MED15: variants seen among roughly 807,000 people sequenced by gnomAD.
The protein encoded by MED15 is mediator of RNA polymerase II transcription subunit 15.
In MED15, 41 loss-of-function variants were observed where a neutral mutation model predicts 118.7. The ratio of observed to expected loss-of-function variants is 0.35; its 90% CI spans 0.27 to 0.45. The LOEUF (loss-of-function observed/expected upper bound fraction) is 0.45. MED15 is among the 20% of genes least tolerant of loss of function. MED15 has a pLI of 1.00. For missense variants in MED15, 740 were observed against 1,025.5 expected, an observed-to-expected ratio of 0.72 and a Z score of 3.80; for synonymous variants, 436 against 413.9, an observed-to-expected ratio of 1.05 and a Z score of -0.65.
chr22:20,557,710 T>C (rs2146544740), intron 5 of MED15, among the ~76,000 whole-genome samples: 1 of 152,332 alleles, frequency 6.6e-6, no homozygotes, highest in South Asian at 2.1e-4. Context: ...AGTTCAGTGG[T>C]GAAGCTTGAT....
intron 1 of MED15, among the ~76,000 whole-genome samples, chr22:20,512,212 C>G (rs926688698): frequency 6.6e-6 from 1 of 152,004 alleles, no homozygotes; most frequent in African/African-American, 2.4e-5. Flanking sequence ...TGGTCTTGAA[C>G]TCCTGGGTTC....
At chr22:20,555,600 T>C (rs1320092233) in intron 5 of MED15, among the ~76,000 whole-genome samples, 2 of 152,242 alleles carry the variant, frequency 1.3e-5, no homozygotes, top group African/African-American at 2.4e-5. Context: ...CTGGCTTCCT[T>C]TCTGTGAAGG....
chr22:20,554,697 C>T (rs1364342028), intron 4 of MED15: 2 of 423,764 alleles, frequency 4.7e-6, no homozygotes, highest in Non-Finnish European at 8.4e-6. Context: ...TGTCCCTTAA[C>T]ATTAGGACTC....
chr22:20,526,158 G>A (rs2146393578), intron 1 of MED15, among the ~76,000 whole-genome samples: 1 of 152,106 alleles, frequency 6.6e-6, no homozygotes, highest in South Asian at 2.1e-4. Context: ...GAATTCCTGG[G>A]CTCAAGCATG....
At chr22:20,556,707 A>G (rs2056024027) in intron 5 of MED15, among the ~76,000 whole-genome samples, 1 of 152,180 alleles carries the variant, frequency 6.6e-6, no homozygotes, top group Admixed American at 6.5e-5. Context: ...CACAATTGGC[A>G]TGCGGAGCCG....
chr22:20,583,230 A>G lies in MED15; in HGVS notation c.1655A>G (p.Lys552Arg). The change falls in exon 12 of 18, where the codon AAG becomes AGG. Residue 552 changes from lysine to arginine, a missense_variant. Lys to Arg is a conservative substitution (Grantham distance 26, BLOSUM62 2). Around this residue, in one of 7 missense-constraint regions of MED15, gnomAD observed 384 missense variants for 506.3 expected, o/e 0.76. Coordinates refer to ENST00000263205, the MANE Select transcript of MED15 (RefSeq NM_001003891.3). ...GAGCCCCTGCGCCGCATGATCAACAAGATCGACAAGAACGAAGGTAGGCTG... is the reference window on the plus strand; with the variant it reads ...GAGCCCCTGCGCCGCATGATCAACAGGATCGACAAGAACGAAGGTAGGCTG... ...YIEPLRRMIN[K>R]IDKNEDRKKD... is the part of the protein sequence containing the mutation. The G allele has an allele frequency of 1.2e-6, 2 of 1,611,748 alleles. No individual in the cohort carries two copies. Among genetic ancestry groups the G allele is most frequent in the South Asian group, 2.2e-5 (2 of 91,052 alleles).
At chr22:20,539,108 TG>T (rs1327765571) in intron 2 of MED15, among the ~76,000 whole-genome samples, 1 of 152,144 alleles carries the variant, frequency 6.6e-6, no homozygotes, top group Non-Finnish European at 1.5e-5. Context: ...ATTCCTCTTT[TG>T]TTTTTTTTAG....
chr22:20,559,241 C>T lies in MED15; in HGVS notation c.451+4093C>T, dbSNP rs151220002. Among the ~76,000 whole-genome samples, 236 of 152,132 alleles carry T rather than the reference C, an allele frequency of 1.6e-3. 1 individual carries two copies. The highest frequency in any genetic ancestry group is 5.5e-3 in the African/African-American group (228 of 41,488). Reference sequence around the variant, plus strand: ...CAGGAGCAATGAAGCAGATTTGAAACGGAACCAAATGAAAGCTGTAGAAAT... The same window carrying T: ...CAGGAGCAATGAAGCAGATTTGAAATGGAACCAAATGAAAGCTGTAGAAAT... On this transcript the variant is annotated intron_variant, in intron 5 of 17. Coordinates refer to ENST00000263205, the MANE Select transcript of MED15 (RefSeq NM_001003891.3).
Position 20,566,518 on chromosome 22 carries a change from C to G in MED15, c.742C>G (p.Gln248Glu). The G allele has an allele frequency of 6.2e-7, 1 of 1,608,014 alleles. No homozygotes were observed. The highest frequency in any genetic ancestry group is 2.2e-5 in the East Asian group (1 of 44,790). The change falls in exon 7 of 18, where the codon CAA (glutamine) becomes GAA (glutamate). Residue 248 changes from glutamine (Q) to glutamate (E), a missense_variant. By Grantham distance (29) the Gln-to-Glu change is conservative (BLOSUM62 2). This residue lies in a region of MED15 where 384 missense variants were observed against 506.3 expected (regional missense o/e 0.76). Transcript: ENST00000263205. ...GCGAATAGCACAGCTGCAGCTCCAA[C>G]AACAGCAACAGCAGCAGCAGCAGCA... ...LQRIAQLQLQ[Q>E]QQQQQQQQQQ...
At chr22:20,546,729 A>G (rs2055557838) in intron 2 of MED15, among the ~76,000 whole-genome samples, 1 of 151,948 alleles carries the variant, frequency 6.6e-6, no homozygotes, top group South Asian at 2.1e-4. Context: ...ATTCATTTTG[A>G]TGCTTAGATG....
At position 20,553,127 on chromosome 22, in the gene MED15, GT is replaced by G. The variant is rs1555935962; in HGVS notation, c.209-15del. The G allele has an allele frequency of 2.5e-6, 4 of 1,603,554 alleles. No homozygotes were observed. In the African/African-American group the frequency reaches 4.0e-5, roughly 16 times the overall value. On this transcript the variant is annotated splice_polypyrimidine_tract_variant and intron_variant, in intron 3 of 17. Coordinates refer to ENST00000263205, the MANE Select transcript of MED15 (RefSeq NM_001003891.3). The stretch of plus-strand genomic sequence containing the variant: ...AAACTATGTTTACTTTCGTTTTTTT[GT>G]TTGTGTTTTCATATAGATAACAAGA...
intron 1 of MED15, among the ~76,000 whole-genome samples, chr22:20,509,425 A>AT (rs1255315241): frequency 6.6e-6 from 1 of 152,168 alleles, no homozygotes; most frequent in African/African-American, 2.4e-5. Context: ...CTGCTAGCTC[A>AT]CTGCCTGCCA....
chr22:20,535,356 C>G (rs570765791), intron 1 of MED15, among the ~76,000 whole-genome samples: 2 of 152,148 alleles, frequency 1.3e-5, no homozygotes, highest in African/African-American at 4.8e-5. Context: ...CATTAAACCT[C>G]CTTTCTGTGA....
chr22:20,577,666 G>T (rs2056861441), intron 9 of MED15, among the ~76,000 whole-genome samples: 1 of 151,860 alleles, frequency 6.6e-6, no homozygotes, highest in Non-Finnish European at 1.5e-5. Context: ...ACTGTGTGGG[G>T]TGAGAGCGCT....
At chr22:20,538,786 G>A (rs898864628) in intron 2 of MED15, among the ~76,000 whole-genome samples, 4 of 151,222 alleles carry the variant, frequency 2.6e-5, no homozygotes, top group Admixed American at 2.6e-4. Context: ...TGCAACCTCC[G>A]CCTACCAGGT....
chr22:20,566,738 A>T lies in MED15; in HGVS notation c.962A>T (p.Gln321Leu), dbSNP rs140150900. Reference protein sequence around the residue: ...AQNQPSQLPPQSQTQPLVSQA... With the variant: ...AQNQPSQLPPLSQTQPLVSQA... ...AACCAACCATCACAACTCCCGCCAC[A>T]GTCGCAGACCCAGCCTTTGGTGTCA... The change falls in exon 7 of 18, where the codon CAG becomes CTG. Residue 321 changes from glutamine (Q) to leucine (L), a missense_variant. By Grantham distance (113) the Gln-to-Leu change is moderately radical (BLOSUM62 -2). This residue lies in a region of MED15 where 384 missense variants were observed against 506.3 expected (regional missense o/e 0.76). Coordinates refer to ENST00000263205, the MANE Select transcript of MED15 (RefSeq NM_001003891.3). 3.7e-6 allele frequency: 6 copies of T among 1,614,098 alleles called. No individual in the cohort carries two copies. The African/African-American group carries it at 6.7e-5, about 18-fold the overall frequency.
intron 2 of MED15, among the ~76,000 whole-genome samples, chr22:20,548,874 A>T (rs533612477): frequency 6.6e-6 from 1 of 152,268 alleles, no homozygotes; most frequent in African/African-American, 2.4e-5. Flanking sequence ...TGGAGTGGTC[A>T]CAGCTCATTG....
chr22:20,535,726 A>AT (rs1307661597), intron 1 of MED15, among the ~76,000 whole-genome samples: 1 of 150,718 alleles, frequency 6.6e-6, no homozygotes, highest in East Asian at 2.0e-4. Context: ...TGCCCAGCTA[A>AT]TTTTTTGTAT....
chr22:20,546,499 GGA>G, intron 2 of MED15, among the ~76,000 whole-genome samples: 1 of 145,958 alleles, frequency 6.9e-6, no homozygotes, highest in East Asian at 2.0e-4. Flanking sequence ...TTCGTTACAT[GGA>G]GTTTTTTTTG....
Sources: gnomAD v4.1 joint callset for allele counts (sites outside exome capture counted in the v4.1 genomes callset) on GRCh38, gnomAD v4.1.1 for gene constraint, gnomAD v4.1.1 regional missense constraint, MANE v1.5 for transcripts, NCBI Gene and HGNC (gene_info 2026-07-23, HGNC 2026-07-21) for gene names.